Variants in CCDC125 observed in about 807,000 individuals in gnomAD.
CCDC125 encodes coiled-coil domain-containing protein 125.
In CCDC125, 43 loss-of-function variants were observed where a neutral mutation model predicts 57.4. The observed-to-expected ratio is 0.75, with a 90% CI of 0.59 to 0.97. The LOEUF (loss-of-function observed/expected upper bound fraction) is 0.97, where lower values mean the gene tolerates loss of function less well. Among genes scored for constraint, CCDC125 ranks in the 50% least tolerant of loss-of-function variants. The pLI is 0.00. For synonymous variants in CCDC125, 187 were observed against 195.2 expected (o/e 0.96, Z 0.35); for missense variants, 563 against 595.7 (o/e 0.95, Z 0.57).
intron 2 of CCDC125, among the ~76,000 whole-genome samples, chr5:69,317,009 C>CTGTT (rs745382004): frequency 3.3e-5 from 5 of 151,972 alleles, no homozygotes; most frequent in East Asian, 1.9e-4. Flanking sequence ...TTTCTTCATG[C>CTGTT]TGTTTGTTTG....
At chr5:69,287,800 C>T (rs1182447570) in intron 10 of CCDC125, among the ~76,000 whole-genome samples, 1 of 149,930 alleles carries the variant, frequency 6.7e-6, no homozygotes, top group South Asian at 2.1e-4. Flanking sequence ...AACTCCTGAG[C>T]TCAAGCAATC....
chr5:69,308,142 G>A (rs1243254997), intron 4 of CCDC125, 114 bp from the exon 5 acceptor site: 1 of 747,718 alleles, frequency 1.3e-6, no homozygotes, highest in African/African-American at 1.7e-5. Flanking sequence ...ATTGACATAA[G>A]AATTTCACAG....
chr5:69,316,878 G>A (rs1759198366), intron 2 of CCDC125, among the ~76,000 whole-genome samples: 1 of 152,150 alleles, frequency 6.6e-6, no homozygotes, highest in Non-Finnish European at 1.5e-5. Context: ...GCCATTAAAT[G>A]TGTGGTATTT....
chr5:69,322,690 G>A (rs1760216080), intron 1 of CCDC125, among the ~76,000 whole-genome samples: 1 of 151,906 alleles, frequency 6.6e-6, no homozygotes, highest in Admixed American at 6.5e-5. Context: ...AGCCTCCTGA[G>A]TAGCTGGGAT....
rs1352608077 is a variant in CCDC125, at chr5:69,281,782, G to T, written c.*947C>A. 1 of 151,954 alleles carries T rather than the reference G, an allele frequency of 6.6e-6. No homozygotes were observed. The highest frequency in any genetic ancestry group is 1.5e-5 in the Non-Finnish European group (1 of 67,990). 9.4% of individuals were successfully genotyped at this position (151,954 alleles called of 1,614,324 possible). A position where few individuals can be genotyped will look rare whatever the true frequency, so the allele number is the denominator to read the frequency against. On this transcript the variant is annotated 3_prime_UTR_variant, in exon 12 of 12. Transcript: ENST00000396496. ...CATTAAGATACATTGCTATATTGTT[G>T]ATTTAGCCAAGCTAAGATCCCTATA...
intron 1 of CCDC125, among the ~76,000 whole-genome samples, chr5:69,327,807 G>A (rs1298031299): frequency 6.6e-6 from 1 of 152,076 alleles, no homozygotes; most frequent in African/African-American, 2.4e-5. Context: ...TCAATTTAGG[G>A]GACTAGATTT....
chr5:69,282,747 T>G lies in CCDC125; in HGVS notation c.1518A>C (p.Pro506=). 1 of 1,591,794 alleles carries G rather than the reference T, an allele frequency of 6.3e-7. No individual in the cohort carries two copies. ...YRTLKRSHSL[P]SSIIF ...CTTGTCTTTAAAATATGATACTTGA[T>G]GGCAAAGAATGGGATCTTTTAAGAG... Residue 506 remains proline (P), a synonymous_variant, in exon 12 of 12, where the codon CCA becomes CCC. Coordinates refer to ENST00000396496, the MANE Select transcript of CCDC125 (RefSeq NM_176816.5).
chr5:69,283,325 T>C (rs1279068507), intron 11 of CCDC125, among the ~76,000 whole-genome samples: 3 of 151,266 alleles, frequency 2.0e-5, no homozygotes, highest in African/African-American at 7.3e-5. Flanking sequence ...GTTCACACTA[T>C]TCTCCTGCCT....
intron 2 of CCDC125, among the ~76,000 whole-genome samples, chr5:69,318,658 C>A (rs1474073015): frequency 1.3e-5 from 2 of 151,524 alleles, no homozygotes; most frequent in Admixed American, 1.3e-4. Context: ...GAGGCTGAGG[C>A]AGTAGAATAC....
the CCDC125 span, among the ~76,000 whole-genome samples, chr5:69,275,166 C>G: frequency 1.3e-5 from 2 of 151,498 alleles, no homozygotes; most frequent in African/African-American, 2.4e-5. Context: ...TGTATTGTAT[C>G]TACAGCACTA....
chr5:69,294,573 G>A (rs11741826), intron 9 of CCDC125, among the ~76,000 whole-genome samples: 2 of 151,692 alleles, frequency 1.3e-5, no homozygotes, highest in East Asian at 1.9e-4. Context: ...GATTACAGGC[G>A]TGAGCCACCG....
intron 2 of CCDC125, among the ~76,000 whole-genome samples, chr5:69,319,246 C>T (rs1212807034): frequency 6.6e-6 from 1 of 151,970 alleles, no homozygotes; most frequent in Non-Finnish European, 1.5e-5. Flanking sequence ...TATTTTCTAT[C>T]TCCTCTATTA....
chr5:69,312,381 T>C (rs1476336697), intron 3 of CCDC125, among the ~76,000 whole-genome samples: 1 of 152,150 alleles, frequency 6.6e-6, no homozygotes, highest in African/African-American at 2.4e-5. Flanking sequence ...AAGCCACCAG[T>C]TTGTGGTACA....
downstream of CCDC125, among the ~76,000 whole-genome samples, chr5:69,277,759 G>GACAC (rs1461016505): frequency 3.6e-5 from 5 of 137,772 alleles, no homozygotes; most frequent in African/African-American, 5.8e-5. Context: ...GACAGGGCAA[G>GACAC]ACACAGTCTC....
intron 10 of CCDC125, among the ~76,000 whole-genome samples, chr5:69,288,519 A>G (rs912693893): frequency 1.3e-5 from 2 of 152,112 alleles, no homozygotes; most frequent in African/African-American, 4.8e-5. Flanking sequence ...CGCCAAAGAG[A>G]GCATCCCTTC....
chr5:69,303,224 G>A (rs2150440765), intron 7 of CCDC125, among the ~76,000 whole-genome samples: 1 of 152,022 alleles, frequency 6.6e-6, no homozygotes, highest in East Asian at 1.9e-4. Context: ...TTGTTTGTTT[G>A]TTTCTAATAG....
Position 69,320,402 on chromosome 5 carries a change from T to C in CCDC125, c.139A>G (p.Arg47Gly), listed in dbSNP as rs1221126184. ...GGIYEIEFSH[R>G]SRKRSDGKNF... is the part of the protein sequence containing the mutation. ...TTTCCATCTGATCTTTTTCTAGACC[T>C]ATGTGAAAATTCTATTTCATAAATC... Residue 47 changes from arginine (R) to glycine (G), a missense_variant, in exon 2 of 12, where the codon AGG becomes GGG. Coordinates refer to ENST00000396496, the MANE Select transcript of CCDC125 (RefSeq NM_176816.5). 2.5e-6 allele frequency: 4 copies of C among 1,614,158 alleles called. No homozygotes were observed. Among genetic ancestry groups the C allele is most frequent in the Non-Finnish European group, 2.5e-6 (3 of 1,180,010 alleles).
chr5:69,314,178 T>A (rs1182637257), intron 2 of CCDC125, 132 bp from the exon 3 acceptor site: 5 of 661,790 alleles, frequency 7.6e-6, no homozygotes, highest in Non-Finnish European at 1.1e-5. Flanking sequence ...AGAATTATAA[T>A]AGAACACCAG....
Position 69,282,999 on chromosome 5 carries a change from T to C in CCDC125, c.1266A>G (p.Arg422=), listed in dbSNP as rs751192474. ...NDKEEALAHQ[R]KVSYMLARAL... ...CCCGAGCAAGCATGTAGCTAACTTT[T>C]CTTTGATGAGCCAAAGCTTCTTCTT... Residue 422 remains arginine (R), a synonymous_variant, in exon 12 of 12, where the codon AGA becomes AGG. Coordinates refer to ENST00000396496, the MANE Select transcript of CCDC125 (RefSeq NM_176816.5). 1 of 1,605,188 alleles carries C rather than the reference T, an allele frequency of 6.2e-7. No individual in the cohort carries two copies. The highest frequency in any genetic ancestry group is 8.5e-7 in the Non-Finnish European group (1 of 1,176,872).
Sources: gnomAD v4.1 joint callset for allele counts (sites outside exome capture counted in the v4.1 genomes callset) on GRCh38, gnomAD v4.1.1 for gene constraint, MANE v1.5 for transcripts, NCBI Gene and HGNC (gene_info 2026-07-23, HGNC 2026-07-21) for gene names.